CD69: variants seen among roughly 807,000 people sequenced by gnomAD.
CD69 encodes the protein early activation antigen CD69.
In CD69, 10 loss-of-function variants were observed where a neutral mutation model predicts 21.4. That is an observed-to-expected ratio of 0.47 (90% confidence interval 0.29 to 0.79). The LOEUF (loss-of-function observed/expected upper bound fraction) is 0.79. Ranked by LOEUF, CD69 falls within the 30% of genes least tolerant of loss-of-function variation. The pLI is 0.09. For synonymous variants in CD69, 63 were observed against 78.2 expected (o/e 0.81, Z 1.03); for missense variants, 204 against 236.9 (o/e 0.86, Z 0.91).
chr12:9,759,751 C>T (rs1866716265), intron 1 of CD69, among the ~76,000 whole-genome samples: 1 of 152,142 alleles, frequency 6.6e-6, no homozygotes, highest in African/African-American at 2.4e-5. Flanking sequence ...GTTAATAGAT[C>T]GCTCTTGCTG....
At chr12:9,758,531 C>T (rs1866700540) in intron 1 of CD69, among the ~76,000 whole-genome samples, 1 of 152,108 alleles carries the variant, frequency 6.6e-6, no homozygotes, top group African/African-American at 2.4e-5. Context: ...GTACTGGTGT[C>T]CACATCAACT....
At chr12:9,759,609 T>C (rs2121104582) in intron 1 of CD69, among the ~76,000 whole-genome samples, 1 of 152,262 alleles carries the variant, frequency 6.6e-6, no homozygotes, top group East Asian at 1.9e-4. Flanking sequence ...TTTTATGTTC[T>C]TAAACACAGG....
intron 2 of CD69, among the ~76,000 whole-genome samples, chr12:9,755,671 GGA>G (rs1317295783): frequency 2.0e-5 from 3 of 152,276 alleles, no homozygotes; most frequent in South Asian, 4.1e-4. Context: ...CTGGAAAGAT[GGA>G]GAGAGTAACT....
intron 1 of CD69, among the ~76,000 whole-genome samples, chr12:9,756,971 T>G (rs960346249): frequency 6.6e-6 from 1 of 152,034 alleles, no homozygotes; most frequent in East Asian, 1.9e-4. Flanking sequence ...TCCCAGCTAC[T>G]TGGGAGTCTG....
intron 1 of CD69, among the ~76,000 whole-genome samples, chr12:9,759,250 A>T (rs1466505071): frequency 6.6e-6 from 1 of 152,174 alleles, no homozygotes; most frequent in African/African-American, 2.4e-5. Context: ...CTCCTAGGTG[A>T]CAAAACATTT....
chr12:9,754,973 G>A, intron 3 of CD69, 89 bp downstream of exon 3: 2 of 1,107,558 alleles, frequency 1.8e-6, no homozygotes, highest in Non-Finnish European at 2.7e-6. Flanking sequence ...TTGTTTGTTT[G>A]TTTGTTTTCT....
chr12:9,759,731 A>G (rs1866716068), intron 1 of CD69, among the ~76,000 whole-genome samples: 2 of 152,200 alleles, frequency 1.3e-5, no homozygotes, highest in East Asian at 1.9e-4. Context: ...TGTTTCTTAC[A>G]TATCCCTTTG....
At position 9,755,051 on chromosome 12, in the gene CD69, TTTA is replaced by T. The variant is rs768418405; in HGVS notation, c.387+8_387+10del. On this transcript the variant is annotated splice_region_variant and intron_variant, in intron 3 of 4. Transcript: ENST00000228434. ...TAAAATAGTAGTATTTTATCTTTTT[TTTA>T]TTCTTACCATGTCCTTTTCAGAATC... 11 of 1,610,590 alleles carry T rather than the reference TTTA, an allele frequency of 6.8e-6. No homozygotes were observed. Among genetic ancestry groups the T allele is most frequent in the Non-Finnish European group, 9.3e-6 (11 of 1,177,036 alleles).
At chr12:9,759,172 G>A (rs760751010) in intron 1 of CD69, among the ~76,000 whole-genome samples, 4 of 152,100 alleles carry the variant, frequency 2.6e-5, no homozygotes, top group South Asian at 2.1e-4. Flanking sequence ...CTCGTGATCC[G>A]CCCACCTCGG....
intron 1 of CD69, among the ~76,000 whole-genome samples, chr12:9,757,056 A>G (rs1396593769): frequency 6.6e-6 from 1 of 152,150 alleles, no homozygotes; most frequent in Non-Finnish European, 1.5e-5. Context: ...CTCTAACCTG[A>G]GTGACAGAGT....
At chr12:9,760,617 C>T (rs1192961064) in intron 1 of CD69, 140 bp downstream of exon 1, 10 of 558,426 alleles carry the variant, frequency 1.8e-5, no homozygotes, top group Non-Finnish European at 1.5e-5. Context: ...CATTAGATAT[C>T]ACATACATAG....
rs755952693 is a variant in CD69, at chr12:9,760,821, CTTTA to C, written c.-5_-2del. On this transcript the variant is annotated 5_prime_UTR_variant, in exon 1 of 5. Transcript: ENST00000228434. ...CTACGAAACAATTTTCAGAGCTCATCTTTATTCTCAAGATTCCCTAGTTAATCTC... is the reference window on the plus strand; with the variant it reads ...CTACGAAACAATTTTCAGAGCTCATCTTCTCAAGATTCCCTAGTTAATCTC... The C allele has an allele frequency of 6.2e-7, 1 of 1,610,758 alleles. No individual in the cohort carries two copies.
intron 1 of CD69, among the ~76,000 whole-genome samples, chr12:9,757,568 G>A (rs4763879): frequency 0.29 from 44,001 of 151,822 alleles, 7,594 homozygotes; most frequent in East Asian, 0.45. Flanking sequence ...AGGGAATTCC[G>A]CTCAGCAATT....
intron 1 of CD69, among the ~76,000 whole-genome samples, chr12:9,758,948 G>C (rs1295142499): frequency 6.6e-6 from 1 of 151,910 alleles, no homozygotes; most frequent in Non-Finnish European, 1.5e-5. Context: ...TTTATTTTTT[G>C]AGACGGAGTC....
chr12:9,755,733 A>G (rs1408058520), intron 2 of CD69, among the ~76,000 whole-genome samples: 2 of 152,228 alleles, frequency 1.3e-5, no homozygotes, highest in Non-Finnish European at 2.9e-5. Flanking sequence ...GACTCAGAAT[A>G]TCTCAAAACA....
intron 1 of CD69, among the ~76,000 whole-genome samples, chr12:9,757,768 AT>A (rs771541013): frequency 6.6e-6 from 1 of 152,204 alleles, no homozygotes; most frequent in Non-Finnish European, 1.5e-5. Context: ...AGGAAAGGTA[AT>A]TTAACTGGAA....
chr12:9,754,417 A>T, intron 4 of CD69, 170 bp downstream of exon 4: 1 of 482,648 alleles, frequency 2.1e-6, no homozygotes, highest in Non-Finnish European at 3.7e-6. Flanking sequence ...GAAAAAGAAT[A>T]ATAATAAAGC....
chr12:9,754,371 T>C (rs1334864456), intron 4 of CD69: 5 of 344,574 alleles, frequency 1.5e-5, no homozygotes, highest in Non-Finnish European at 2.6e-5. Context: ...AAAATTACTA[T>C]AAGCATTTAT....
intron 1 of CD69, among the ~76,000 whole-genome samples, chr12:9,759,084 C>T (rs3136567): frequency 0.011 from 1,627 of 152,130 alleles, 13 homozygotes; most frequent in Middle Eastern, 0.027. Flanking sequence ...CGCCCGCCCC[C>T]ACGCCCGGCT....
Sources: allele counts gnomAD v4.1 joint callset (sites outside exome capture counted in the v4.1 genomes callset), GRCh38; gene constraint gnomAD v4.1.1; transcripts MANE v1.5; gene names NCBI Gene and HGNC (gene_info 2026-07-23, HGNC 2026-07-21).